GPM6A: variants seen among roughly 807,000 people sequenced by gnomAD.
GPM6A encodes glycoprotein M6A.
GPM6A carries 7 observed loss-of-function variants against 32.1 expected under a neutral mutation model. The observed-to-expected ratio is 0.22, with a 90% CI of 0.12 to 0.41. GPM6A has a LOEUF of 0.41. Ranked by LOEUF, GPM6A falls within the 10% of genes least tolerant of loss-of-function variation. GPM6A has a pLI of 1.00. For missense variants in GPM6A, 235 were observed against 347.2 expected, an observed-to-expected ratio of 0.68 and a Z score of 2.57; for synonymous variants, 130 against 123.4, an observed-to-expected ratio of 1.05 and a Z score of -0.35.
At chr4:175,943,809 G>A (rs543240516) in intron 1 of GPM6A, among the ~76,000 whole-genome samples, 5 of 152,256 alleles carry the variant, frequency 3.3e-5, no homozygotes, top group South Asian at 2.1e-4. Flanking sequence ...TTTTCGCATC[G>A]ATGTTCATCA....
Position 175,701,593 on chromosome 4 carries a change from G to T in GPM6A, c.212C>A (p.Thr71Lys). ...GACTTACATGGTAAAAACATCCAGT[G>T]TGTCTCCAGCAGTTCTTGCCATCTC... is the stretch of plus-strand genomic sequence containing the variant. ...YFEMARTAGD[T>K]LDVFTMIDIF... The change falls in exon 2 of 7, where the codon ACA becomes AAA. Residue 71 changes from threonine (T) to lysine (K), a missense_variant. This residue lies in a region of GPM6A where 101 missense variants were observed against 171.2 expected (regional missense o/e 0.59). Coordinates refer to ENST00000393658, the MANE Select transcript of GPM6A (RefSeq NM_201591.3). 6.2e-7 allele frequency: 1 copy of T among 1,613,236 alleles called. No homozygotes were observed. The highest frequency in any genetic ancestry group is 8.5e-7 in the Non-Finnish European group (1 of 1,179,218).
intron 2 of GPM6A, among the ~76,000 whole-genome samples, chr4:175,693,218 A>G (rs1744392211): frequency 6.6e-6 from 1 of 151,036 alleles, no homozygotes; most frequent in Non-Finnish European, 1.5e-5. Context: ...GAATGAGTAC[A>G]TTCATTAAAA....
intron 1 of GPM6A, among the ~76,000 whole-genome samples, chr4:175,710,919 C>A (rs1745490630): frequency 6.6e-6 from 1 of 152,062 alleles, no homozygotes; most frequent in Non-Finnish European, 1.5e-5. Context: ...GCTCTGTTTC[C>A]TAACCTGTAT....
chr4:175,898,086 C>T (rs1180596499), intron 1 of GPM6A, among the ~76,000 whole-genome samples: 1 of 152,090 alleles, frequency 6.6e-6, no homozygotes, highest in African/African-American at 2.4e-5. Context: ...TAAATAAAAG[C>T]TATCACTCTG....
chr4:175,727,258 G>A (rs1413031656), intron 1 of GPM6A, among the ~76,000 whole-genome samples: 2 of 152,064 alleles, frequency 1.3e-5, no homozygotes, highest in Admixed American at 6.6e-5. Context: ...GCAGTACTAG[G>A]CTTCACAAAA....
intron 1 of GPM6A, among the ~76,000 whole-genome samples, chr4:175,972,895 C>T (rs992651075): frequency 1.1e-4 from 16 of 152,146 alleles, no homozygotes; most frequent in Non-Finnish European, 2.4e-4. Context: ...TACTATTAAA[C>T]TCAGATCCAT....
At chr4:175,753,369 T>G (rs1049850364) in intron 1 of GPM6A, among the ~76,000 whole-genome samples, 3 of 152,096 alleles carry the variant, frequency 2.0e-5, no homozygotes, top group Non-Finnish European at 4.4e-5. Context: ...AAGTCACATA[T>G]GTATAGAGAA....
At chr4:175,681,512 T>C (rs1477884303) in intron 2 of GPM6A, among the ~76,000 whole-genome samples, 2 of 152,232 alleles carry the variant, frequency 1.3e-5, no homozygotes, top group African/African-American at 4.8e-5. Context: ...GTTGATAGTT[T>C]AGATATTTGT....
At chr4:175,957,267 T>C (rs1740016592) in intron 1 of GPM6A, among the ~76,000 whole-genome samples, 1 of 152,202 alleles carries the variant, frequency 6.6e-6, no homozygotes, top group South Asian at 2.1e-4. Context: ...TGAACAAAAA[T>C]TCTGTGCTTC....
Position 175,912,352 on chromosome 4 carries a change from A to T in GPM6A, c.-23+89957T>A, listed in dbSNP as rs1391123787. ...ATATACCACTTCTGAGTATCAACTC[A>T]TGGTTCAAGCATAAAGGTCTTGCTG... On this transcript the variant is annotated intron_variant, in intron 1 of 7. Coordinates refer to the GPM6A transcript ENST00000280187. Among the ~76,000 whole-genome samples, 3 of 152,082 alleles carry T rather than the reference A, an allele frequency of 2.0e-5. No homozygotes were observed. The East Asian group carries it at 5.8e-4, about 29-fold the overall frequency.
intron 3 of GPM6A, among the ~76,000 whole-genome samples, chr4:175,661,962 T>G (rs2110948489): frequency 6.6e-6 from 1 of 152,144 alleles, no homozygotes; most frequent in East Asian, 1.9e-4. Flanking sequence ...ACTTGAATAC[T>G]TTTTGGCACA....
intron 1 of GPM6A, among the ~76,000 whole-genome samples, chr4:175,873,437 A>G (rs1454301168): frequency 6.6e-6 from 1 of 152,148 alleles, no homozygotes; most frequent in Non-Finnish European, 1.5e-5. Flanking sequence ...ACACTTTAAA[A>G]ATATGTAATC....
intron 1 of GPM6A, among the ~76,000 whole-genome samples, chr4:175,868,324 C>T (rs1247351200): frequency 6.6e-6 from 1 of 152,112 alleles, no homozygotes; most frequent in African/African-American, 2.4e-5. Flanking sequence ...GAACTGGAAC[C>T]CAGTCCTTTA....
intron 1 of GPM6A, among the ~76,000 whole-genome samples, chr4:175,924,013 T>C (rs1382833200): frequency 6.6e-6 from 1 of 152,220 alleles, no homozygotes; most frequent in Non-Finnish European, 1.5e-5. Flanking sequence ...GTATTTGTCC[T>C]AGGTATTTCC....
upstream of GPM6A, chr4:175,812,515 C>T (rs2111333543): frequency 8.9e-7 from 1 of 1,121,262 alleles, no homozygotes; most frequent in Middle Eastern, 3.9e-4. Flanking sequence ...CCACTGTAAG[C>T]AGGTATTCAA....
chr4:175,963,857 G>A (rs558570929), intron 1 of GPM6A, among the ~76,000 whole-genome samples: 1 of 152,246 alleles, frequency 6.6e-6, no homozygotes, highest in Non-Finnish European at 1.5e-5. Flanking sequence ...AGAGATAAGA[G>A]GGAGGAATTT....
intron 1 of GPM6A, among the ~76,000 whole-genome samples, chr4:175,819,791 T>C (rs548311389): frequency 6.6e-6 from 1 of 152,298 alleles, no homozygotes; most frequent in South Asian, 2.1e-4. Context: ...TGTAAAGTCT[T>C]CTCACAACAT....
chr4:175,676,163 G>C (rs553854135), intron 2 of GPM6A, among the ~76,000 whole-genome samples: 9 of 152,128 alleles, frequency 5.9e-5, no homozygotes, highest in Non-Finnish European at 1.3e-4. Context: ...ATGGTTGTAA[G>C]TTTCCTGAGG....
intron 6 of GPM6A, among the ~76,000 whole-genome samples, chr4:175,637,669 TATATA>T (rs1740838091): frequency 2.6e-3 from 1 of 384 alleles, no homozygotes; most frequent in African/African-American, 3.7e-3. Flanking sequence ...ATATATAATA[TATATA>T]ATATATATAT....
Sources: allele counts gnomAD v4.1 joint callset (sites outside exome capture counted in the v4.1 genomes callset), GRCh38; gene constraint gnomAD v4.1.1; regional missense constraint gnomAD v4.1.1; transcripts MANE v1.5; gene names NCBI Gene and HGNC (gene_info 2026-07-23, HGNC 2026-07-21).